NCOR1: variants seen among roughly 807,000 people sequenced by gnomAD.
NCOR1 encodes nuclear receptor corepressor 1.
NCOR1 carries 63 observed loss-of-function variants against 288.1 expected under a neutral mutation model. That is an observed-to-expected ratio of 0.22 (90% confidence interval 0.18 to 0.27). The LOEUF is 0.27. Ranked by LOEUF, NCOR1 falls within the 10% of genes least tolerant of loss-of-function variation. The probability of loss-of-function intolerance (pLI) is 1.00; values close to 1 mark genes in which losing one functional copy is unlikely to be tolerated. For synonymous variants in NCOR1, 1,007 were observed against 1,065.9 expected (o/e 0.94, Z 1.08); for missense variants, 2,397 against 3,019.2 (o/e 0.79, Z 4.83).
chr17:16,192,797 A>G (rs563210547), intron 2 of NCOR1, among the ~76,000 whole-genome samples: 2 of 152,374 alleles, frequency 1.3e-5, no homozygotes, highest in Admixed American at 6.5e-5. Context: ...AATTTTACTT[A>G]TAATAATCAA....
intron 1 of NCOR1, among the ~76,000 whole-genome samples, chr17:16,212,957 C>T (rs1222092048): frequency 6.6e-6 from 1 of 150,850 alleles, no homozygotes; most frequent in Non-Finnish European, 1.5e-5. Flanking sequence ...CCTGTAGTCC[C>T]AGCGACTTGG....
chr17:16,060,833 T>G (rs1300275794), intron 37 of NCOR1, among the ~76,000 whole-genome samples: 3 of 152,218 alleles, frequency 2.0e-5, no homozygotes, highest in Non-Finnish European at 4.4e-5. Context: ...TAAAAGAAAA[T>G]TTAAAAAGTA....
chr17:16,053,596 A>G (rs1387217262), intron 40 of NCOR1, among the ~76,000 whole-genome samples: 1 of 152,226 alleles, frequency 6.6e-6, no homozygotes, highest in East Asian at 1.9e-4. Context: ...AAGAATCAAT[A>G]TCATTAAAAT....
chr17:16,079,013 T>C (rs1318526112), intron 26 of NCOR1, among the ~76,000 whole-genome samples: 2 of 152,220 alleles, frequency 1.3e-5, no homozygotes, highest in Non-Finnish European at 2.9e-5. Flanking sequence ...TTAATTCACA[T>C]GATCTAGAGT....
chr17:16,201,099 C>T (rs773972087), intron 1 of NCOR1, among the ~76,000 whole-genome samples: 24 of 152,166 alleles, frequency 1.6e-4, no homozygotes, highest in Non-Finnish European at 2.9e-4. Context: ...TGGTTAAGAT[C>T]CAATCTGGGA....
intron 1 of NCOR1, among the ~76,000 whole-genome samples, chr17:16,204,754 C>T (rs1165545987): frequency 6.6e-6 from 1 of 152,166 alleles, no homozygotes; most frequent in Non-Finnish European, 1.5e-5. Context: ...TTGTGCCAGC[C>T]ACTATGCCTA....
intron 21 of NCOR1, among the ~76,000 whole-genome samples, chr17:16,095,571 C>T (rs1362973662): frequency 7.9e-6 from 1 of 126,836 alleles, no homozygotes; most frequent in Non-Finnish European, 1.7e-5. Flanking sequence ...CCAGCCGCCC[C>T]GTACAGGAGG....
intron 1 of NCOR1, 104 bp downstream of exon 1, chr17:16,215,258 C>T: frequency 2.6e-6 from 1 of 386,076 alleles, no homozygotes. Context: ...ACCCCCCGCC[C>T]GGCGGAGAAA....
At chr17:16,088,303 T>C (rs974580326) in intron 22 of NCOR1, among the ~76,000 whole-genome samples, 2 of 152,204 alleles carry the variant, frequency 1.3e-5, no homozygotes, top group Non-Finnish European at 1.5e-5. Context: ...TTTTGTCAGA[T>C]AGTTCCATCC....
rs1024499643 is a variant in NCOR1 at position 16,030,458 on chromosome 17, AATT to A, written c.*1835_*1837del. 4 of 207,322 alleles carry A rather than the reference AATT, an allele frequency of 1.9e-5. No homozygotes were observed. The highest frequency in any genetic ancestry group is 3.9e-5 in the Non-Finnish European group (4 of 101,684). The allele number at this position is 207,322 out of a possible 1,614,324, so 12.8% of individuals were successfully genotyped here. A position where few individuals can be genotyped will look rare whatever the true frequency, so the allele number is the denominator to read the frequency against. ...TCTTTTATGGTAGGTTGGCAATATA[AATT>A]ATTAACAAACTCTAAAATATTACCA... On this transcript the variant is annotated 3_prime_UTR_variant, in exon 46 of 46. Coordinates refer to ENST00000268712, the MANE Select transcript of NCOR1 (RefSeq NM_006311.4).
intron 10 of NCOR1, among the ~76,000 whole-genome samples, chr17:16,145,726 C>G (rs1299493714): frequency 6.6e-6 from 1 of 151,800 alleles, no homozygotes; most frequent in African/African-American, 2.4e-5. Context: ...GGGGGCAGCC[C>G]CTGCCCAGTC....
At chr17:16,142,960 C>T (rs2077355271) in intron 11 of NCOR1, among the ~76,000 whole-genome samples, 1 of 152,162 alleles carries the variant, frequency 6.6e-6, no homozygotes. Flanking sequence ...AAATGGCGTT[C>T]TTGTTCATAG....
intron 42 of NCOR1, among the ~76,000 whole-genome samples, chr17:16,043,884 A>C (rs2058182753): frequency 6.6e-6 from 1 of 152,216 alleles, no homozygotes; most frequent in African/African-American, 2.4e-5. Flanking sequence ...TTTTTTGAAA[A>C]GGTGGCCGGA....
intron 7 of NCOR1, 125 bp downstream of exon 7, chr17:16,153,214 T>C (rs1180781583): frequency 3.1e-6 from 2 of 639,766 alleles, no homozygotes; most frequent in Non-Finnish European, 5.4e-6. Context: ...CATCTCAAGC[T>C]ACATCTCTGC....
chr17:16,141,036 A>G (rs149606183), intron 11 of NCOR1, among the ~76,000 whole-genome samples: 10 of 152,002 alleles, frequency 6.6e-5, no homozygotes, highest in African/African-American at 2.4e-4. Context: ...TCCTGATATT[A>G]TGCAATAGTA....
At chr17:16,185,105 A>G (rs1006219335) in intron 3 of NCOR1, among the ~76,000 whole-genome samples, 7 of 151,942 alleles carry the variant, frequency 4.6e-5, no homozygotes, top group Non-Finnish European at 7.4e-5. Flanking sequence ...TGGGGAGACG[A>G]AAGTCAGAGG....
At position 16,030,770 on chromosome 17, in the gene NCOR1, A is replaced by C. The variant is rs986066280; in HGVS notation, c.*1526T>G. ...ATTTAACTATATGGGCAAAGTACTA[A>C]ACCTGTGTCTTCATCTGTAACATAG... is the stretch of plus-strand genomic sequence containing the variant. On this transcript the variant is annotated 3_prime_UTR_variant, in exon 46 of 46. Coordinates refer to ENST00000268712, the MANE Select transcript of NCOR1 (RefSeq NM_006311.4). 5.5e-6 allele frequency: 1 copy of C among 180,644 alleles called. No individual in the cohort carries two copies. Among genetic ancestry groups the C allele is most frequent in the Non-Finnish European group, 1.2e-5 (1 of 84,508 alleles). The allele number at this position is 180,644 out of a possible 1,614,324, so 11.2% of individuals were successfully genotyped here. A position where few individuals can be genotyped will look rare whatever the true frequency, so the allele number is the denominator to read the frequency against.
At chr17:16,084,625 A>G (rs2063926924) in intron 23 of NCOR1, among the ~76,000 whole-genome samples, 1 of 152,234 alleles carries the variant, frequency 6.6e-6, no homozygotes, top group Non-Finnish European at 1.5e-5. Context: ...GAACAAGTAG[A>G]TCAGTGGAAC....
chr17:16,048,800 G>GC (rs1358756229), intron 41 of NCOR1, 45 bp downstream of exon 41: 1 of 1,516,622 alleles, frequency 6.6e-7, no homozygotes, highest in Non-Finnish European at 8.9e-7. Flanking sequence ...TAAAGCATGA[G>GC]CACCCACGCC....
Sources: allele counts gnomAD v4.1 joint callset (sites outside exome capture counted in the v4.1 genomes callset), GRCh38; gene constraint gnomAD v4.1.1; transcripts MANE v1.5; gene names NCBI Gene and HGNC (gene_info 2026-07-23, HGNC 2026-07-21).